The following MYO16 variants were observed in gnomAD, a reference collection of about 807,000 sequenced individuals.
MYO16 encodes unconventional myosin-XVI.
A neutral mutation model predicts 205.3 loss-of-function variants in MYO16; 94 were observed. The ratio of observed to expected loss-of-function variants is 0.46; its 90% confidence interval spans 0.39 to 0.54. The LOEUF (loss-of-function observed/expected upper bound fraction) is 0.54, where lower values mean the gene tolerates loss of function less well. MYO16 is among the 20% of genes least tolerant of loss of function. The pLI, the probability that MYO16 is intolerant of heterozygous loss-of-function variation, is 0.00. For missense variants in MYO16, 2,315 were observed against 2,387.5 expected, an observed-to-expected ratio of 0.97 and a Z score of 0.63; for synonymous variants, 988 against 954.0, an observed-to-expected ratio of 1.04 and a Z score of -0.66.
intron 16 of MYO16, among the ~76,000 whole-genome samples, chr13:108,919,746 G>A (rs943653178): frequency 6.6e-6 from 1 of 152,144 alleles, no homozygotes; most frequent in African/African-American, 2.4e-5. Flanking sequence ...TGAATTTAAG[G>A]CATGTTGGTC....
chr13:108,517,596 A>G, the MYO16 span, among the ~76,000 whole-genome samples: 5 of 152,240 alleles, frequency 3.3e-5, no homozygotes, highest in Non-Finnish European at 7.3e-5. Flanking sequence ...TACTATTGAA[A>G]TTGAAATACA....
At chr13:108,589,883 A>G in the MYO16 span, among the ~76,000 whole-genome samples, 2 of 152,308 alleles carry the variant, frequency 1.3e-5, no homozygotes, top group South Asian at 4.1e-4. Context: ...ACCATGGGCA[A>G]GTCTTAAGAA....
chr13:108,886,441 T>C (rs1032303438), intron 13 of MYO16: 1 of 456,138 alleles, frequency 2.2e-6, no homozygotes, highest in Non-Finnish European at 4.4e-6. Context: ...CCTGGAAAAA[T>C]GAGGCGTGCG....
intron 28 of MYO16, among the ~76,000 whole-genome samples, chr13:109,110,158 C>T (rs577273064): frequency 1.3e-5 from 2 of 152,326 alleles, no homozygotes; most frequent in African/African-American, 4.8e-5. Context: ...AAAGAAAGAT[C>T]AAATGTGTGC....
rs376446819 is a variant in MYO16, at chr13:108,634,561, C to T, written c.28+4689C>T. Among the ~76,000 whole-genome samples the T allele has an allele frequency of 2.0e-3, 297 of 152,254 alleles. 8 individuals are homozygous for T. The South Asian group carries it at 0.06, about 31-fold the overall frequency. ...CATACCTTGAAACGATTGCCCATGC[C>T]CGTGGCCTTCGACCCTCACCTCCTT... On this transcript the variant is annotated intron_variant, in intron 1 of 34. Transcript: ENST00000457511.
chr13:109,052,500 G>A (rs769315226), intron 25 of MYO16, 25 bp downstream of exon 25: 6 of 1,502,494 alleles, frequency 4.0e-6, no homozygotes, highest in East Asian at 4.6e-5. Flanking sequence ...GATTATTGTT[G>A]GATTATTTTT....
the MYO16 span, among the ~76,000 whole-genome samples, chr13:108,547,957 C>T: frequency 6.6e-6 from 1 of 152,248 alleles, no homozygotes; most frequent in East Asian, 1.9e-4. Context: ...TTGGAAAAAG[C>T]AGTGATTCAT....
chr13:108,795,430 G>C (rs1594300012), intron 6 of MYO16, among the ~76,000 whole-genome samples: 2 of 152,004 alleles, frequency 1.3e-5, no homozygotes, highest in South Asian at 2.1e-4. Flanking sequence ...GGCTGGTCTC[G>C]ATCTTCTGAC....
chr13:108,973,362 C>T (rs1330680428), intron 20 of MYO16, among the ~76,000 whole-genome samples: 1 of 152,130 alleles, frequency 6.6e-6, no homozygotes, highest in African/African-American at 2.4e-5. Flanking sequence ...AGGTGGAAGT[C>T]ATTTTCTCTT....
chr13:109,042,387 A>G (rs1020029628), intron 23 of MYO16, among the ~76,000 whole-genome samples: 5 of 152,200 alleles, frequency 3.3e-5, no homozygotes, highest in Admixed American at 1.3e-4. Flanking sequence ...CAATCACACA[A>G]TGTGCTATTG....
intron 4 of MYO16, among the ~76,000 whole-genome samples, chr13:108,761,976 C>T (rs779044508): frequency 4.6e-5 from 7 of 152,134 alleles, no homozygotes; most frequent in South Asian, 2.1e-4. Context: ...AGTTGTTATT[C>T]GTTAAGTACT....
intron 23 of MYO16, among the ~76,000 whole-genome samples, chr13:109,024,868 T>C (rs1186541540): frequency 6.6e-6 from 1 of 152,184 alleles, no homozygotes; most frequent in African/African-American, 2.4e-5. Context: ...AATAATCAAA[T>C]GTAGACACAT....
At chr13:108,783,127 C>T (rs1159979284) in intron 4 of MYO16, among the ~76,000 whole-genome samples, 1 of 152,134 alleles carries the variant, frequency 6.6e-6, no homozygotes, top group African/African-American at 2.4e-5. Context: ...AAGCCACAGA[C>T]ACTCAACACT....
At chr13:109,056,953 G>T (rs1887436359) in intron 27 of MYO16, among the ~76,000 whole-genome samples, 1 of 152,202 alleles carries the variant, frequency 6.6e-6, no homozygotes, top group African/African-American at 2.4e-5. Context: ...GAAAAAGTCT[G>T]TTTGATAAAC....
At chr13:108,902,585 C>T (rs148517190) in intron 15 of MYO16, among the ~76,000 whole-genome samples, 36 of 152,336 alleles carry the variant, frequency 2.4e-4, no homozygotes, top group African/African-American at 7.2e-4. Flanking sequence ...TGTAGACGCA[C>T]GAGCTCTTGA....
chr13:108,857,723 T>C (rs1316277750), intron 11 of MYO16, among the ~76,000 whole-genome samples: 2 of 152,338 alleles, frequency 1.3e-5, no homozygotes, highest in South Asian at 2.1e-4. Flanking sequence ...AAAATGGAGT[T>C]CGTTATGTGA....
intron 16 of MYO16, among the ~76,000 whole-genome samples, chr13:108,936,085 TTTCC>T (rs56030003): frequency 0.23 from 29,506 of 128,582 alleles, 3,690 homozygotes; most frequent in East Asian, 0.3. Context: ...TTGGCTATAG[TTTCC>T]TTCCTTCCTT....
chr13:108,597,158 C>T (rs1463826358), intron 1 of MYO16, among the ~76,000 whole-genome samples: 4 of 152,092 alleles, frequency 2.6e-5, no homozygotes, highest in South Asian at 2.1e-4. Flanking sequence ...TCTTCATATG[C>T]GTTATTTCAC....
intron 2 of MYO16, among the ~76,000 whole-genome samples, chr13:108,667,324 T>TG (rs199706924): frequency 0.04 from 6,001 of 150,272 alleles, 342 homozygotes; most frequent in East Asian, 0.14. Flanking sequence ...TGTTTTGTTT[T>TG]TTTTTTTTTT....
Sources: gnomAD v4.1 joint callset for allele counts (sites outside exome capture counted in the v4.1 genomes callset) on GRCh38, gnomAD v4.1.1 for gene constraint, MANE v1.5 for transcripts, NCBI Gene and HGNC (gene_info 2026-07-23, HGNC 2026-07-21) for gene names.